The following ODAD2 variants were observed in gnomAD, a reference collection of about 807,000 sequenced individuals.
ODAD2 encodes outer dynein arm-docking complex subunit 2.
A neutral mutation model predicts 106.8 loss-of-function variants in ODAD2; 89 were observed. The ratio of observed to expected loss-of-function variants is 0.83; its 90% CI spans 0.70 to 0.99. The LOEUF (loss-of-function observed/expected upper bound fraction) is 0.99. ODAD2 is among the 50% of genes least tolerant of loss of function. The pLI is 0.00. For missense variants in ODAD2, 1,168 were observed against 1,238.5 expected (o/e 0.94, Z 0.85); for synonymous variants, 404 against 436.2 (o/e 0.93, Z 0.92).
chr10:27,834,918 T>C (rs1005423788), intron 19 of ODAD2, among the ~76,000 whole-genome samples: 1 of 152,194 alleles, frequency 6.6e-6, no homozygotes. Flanking sequence ...TAGTTGTGGA[T>C]GGAAACCTGA....
intron 16 of ODAD2, among the ~76,000 whole-genome samples, chr10:27,931,124 A>AAAG (rs767876141): frequency 2.6e-5 from 4 of 152,108 alleles, no homozygotes; most frequent in Non-Finnish European, 5.9e-5. Context: ...CTCTTAAAAA[A>AAAG]AAAGAAAGAA....
chr10:27,885,695 A>ATT lies in ODAD2; in HGVS notation c.2610+21967_2610+21968insAA, dbSNP rs1842106278. Reference sequence around the variant, plus strand: ...AAAATATATATAATATATAATATATAATATATATAAAATATATATTATATA... The same window carrying ATT: ...AAAATATATATAATATATAATATATATTATATATATAAAATATATATTATATA... On this transcript the variant is annotated intron_variant, in intron 17 of 19. Transcript: ENST00000305242. Among the ~76,000 whole-genome samples, 3 of 49,054 alleles carry ATT rather than the reference A, an allele frequency of 6.1e-5. 1 individual carries two copies. Among genetic ancestry groups the ATT allele is most frequent in the Admixed American group, 8.1e-4 (2 of 2,456 alleles). 32.2% of individuals were successfully genotyped at this position (49,054 alleles called of 152,430 possible).
At chr10:27,876,094 G>A (rs1396096468) in intron 17 of ODAD2, among the ~76,000 whole-genome samples, 1 of 152,174 alleles carries the variant, frequency 6.6e-6, no homozygotes, top group East Asian at 1.9e-4. Context: ...ATGCCTGCCT[G>A]TCACTGTAGA....
intron 17 of ODAD2, among the ~76,000 whole-genome samples, chr10:27,886,264 A>G (rs1358091433): frequency 6.6e-6 from 1 of 151,904 alleles, no homozygotes; most frequent in Non-Finnish European, 1.5e-5. Flanking sequence ...AGGTTCTTGA[A>G]AGTGAAAAAA....
chr10:27,948,203 G>A (rs1847074776), intron 10 of ODAD2, among the ~76,000 whole-genome samples: 1 of 152,008 alleles, frequency 6.6e-6, no homozygotes, highest in Non-Finnish European at 1.5e-5. Context: ...TAAATCATCA[G>A]CTTTTTTTCT....
chr10:27,948,791 TTTTTTTTTTTTTG>T (rs1288773085), intron 10 of ODAD2, among the ~76,000 whole-genome samples: 3 of 145,970 alleles, frequency 2.1e-5, no homozygotes, highest in African/African-American at 7.9e-5. Flanking sequence ...TTTTTTTTTT[TTTTTTTTTTTTTG>T]CAATTGACAT....
intron 19 of ODAD2, among the ~76,000 whole-genome samples, chr10:27,840,458 A>C (rs77841606): frequency 0.054 from 8,223 of 152,218 alleles, 323 homozygotes; most frequent in East Asian, 0.17. Context: ...TTCCACCTCC[A>C]ATGGCAAGTC....
chr10:27,818,680 G>A (rs531860570), intron 19 of ODAD2, among the ~76,000 whole-genome samples: 2 of 152,312 alleles, frequency 1.3e-5, no homozygotes, highest in African/African-American at 4.8e-5. Flanking sequence ...TAGATTGCTA[G>A]CTACAGCAAC....
At chr10:27,854,494 G>A (rs895492969) in intron 19 of ODAD2, among the ~76,000 whole-genome samples, 1 of 152,118 alleles carries the variant, frequency 6.6e-6, no homozygotes, top group Non-Finnish European at 1.5e-5. Context: ...AGTGGCTTAC[G>A]CTTGTAATCC....
chr10:27,934,647 GA>G (rs1845838368), intron 16 of ODAD2, among the ~76,000 whole-genome samples: 1 of 152,056 alleles, frequency 6.6e-6, no homozygotes, highest in Admixed American at 6.6e-5. Context: ...GAATAGGTGA[GA>G]AACAAGAAGG....
intron 16 of ODAD2, among the ~76,000 whole-genome samples, chr10:27,914,678 G>GTATGTGTGTGTATATATA (rs540908496): frequency 6.6e-6 from 1 of 151,772 alleles, no homozygotes; most frequent in African/African-American, 2.4e-5. Flanking sequence ...AAATATGTAT[G>GTATGTGTGTGTATATATA]TATGTGTGTG....
intron 10 of ODAD2, among the ~76,000 whole-genome samples, chr10:27,954,759 G>A (rs950469305): frequency 1.3e-5 from 2 of 152,168 alleles, no homozygotes; most frequent in Admixed American, 6.5e-5. Context: ...TCCCCTTTGG[G>A]AAAGACGGAG....
At chr10:27,983,814 T>G (rs1388928251) in intron 6 of ODAD2, 29 bp downstream of exon 6, 1 of 1,607,538 alleles carries the variant, frequency 6.2e-7, no homozygotes, top group African/African-American at 1.3e-5. Flanking sequence ...GTCCACTGGC[T>G]TTAGTTACGT....
intron 16 of ODAD2, among the ~76,000 whole-genome samples, chr10:27,920,185 T>C (rs1320364208): frequency 6.6e-6 from 1 of 152,144 alleles, no homozygotes. Context: ...AATGACCATA[T>C]TCTATTTCTT....
In ODAD2 at chr10:27,936,886, C is replaced by A; in HGVS notation, c.2098-6G>T. 6.3e-7 allele frequency: 1 copy of A among 1,591,284 alleles called. No homozygotes were observed. The highest frequency in any genetic ancestry group is 1.8e-5 in the Admixed American group (1 of 54,682). On this transcript the variant is annotated splice_polypyrimidine_tract_variant and splice_region_variant and intron_variant, in intron 14 of 19. Coordinates refer to ENST00000305242, the MANE Select transcript of ODAD2 (RefSeq NM_018076.5). ...GTTTCCTTATCTTCAGCACACTGCA[C>A]GAAAAGTCAGACAGAGGCTGTCAGT...
intron 17 of ODAD2, among the ~76,000 whole-genome samples, chr10:27,871,569 C>T (rs1425018917): frequency 1.3e-5 from 2 of 152,220 alleles, no homozygotes; most frequent in Non-Finnish European, 2.9e-5. Context: ...CACCTTTCTA[C>T]ATATGGCTAG....
At chr10:27,817,470 T>C (rs1367081366) in intron 19 of ODAD2, among the ~76,000 whole-genome samples, 6 of 152,126 alleles carry the variant, frequency 3.9e-5, no homozygotes, top group Admixed American at 6.5e-5. Context: ...CTGCACCCAA[T>C]AGGTAATTTT....
intron 19 of ODAD2, among the ~76,000 whole-genome samples, chr10:27,840,033 C>A (rs1297210858): frequency 6.6e-6 from 1 of 152,102 alleles, no homozygotes; most frequent in Non-Finnish European, 1.5e-5. Context: ...ATCGATTTAA[C>A]TCACAAAGCT....
chr10:27,860,574 C>G, intron 19 of ODAD2, 51 bp downstream of exon 19: 2 of 1,556,616 alleles, frequency 1.3e-6, no homozygotes, highest in Non-Finnish European at 1.8e-6. Context: ...AGTTTCTTTC[C>G]AGGCTACATT....
Sources: gnomAD v4.1 joint callset for allele counts (sites outside exome capture counted in the v4.1 genomes callset) on GRCh38, gnomAD v4.1.1 for gene constraint, MANE v1.5 for transcripts, NCBI Gene and HGNC (gene_info 2026-07-23, HGNC 2026-07-21) for gene names.